Variants in CLMN observed in about 807,000 individuals in gnomAD.
CLMN encodes calmin, also known as calmin (calponin-like, transmembrane).
A neutral mutation model predicts 92.7 loss-of-function variants in CLMN; 57 were observed. The observed-to-expected ratio is 0.61, with a 90% CI of 0.50 to 0.77. The LOEUF is 0.77. Ranked by LOEUF, CLMN falls within the 30% of genes least tolerant of loss-of-function variation. The pLI is 0.00. For synonymous variants in CLMN, 466 were observed against 470.6 expected, an observed-to-expected ratio of 0.99 and a Z score of 0.13; for missense variants, 1,158 against 1,237.5, an observed-to-expected ratio of 0.94 and a Z score of 0.96.
chr14:95,279,150 T>G (rs1177150790), intron 1 of CLMN, among the ~76,000 whole-genome samples: 1 of 152,204 alleles, frequency 6.6e-6, no homozygotes, highest in Non-Finnish European at 1.5e-5. Flanking sequence ...AAATATTTTG[T>G]CAGAAAAATA....
chr14:95,231,147 T>G (rs1300205559), intron 1 of CLMN, among the ~76,000 whole-genome samples: 1 of 151,518 alleles, frequency 6.6e-6, no homozygotes, highest in Non-Finnish European at 1.5e-5. Context: ...CATCACGGCC[T>G]GAGCTCCGCC....
intron 5 of CLMN, among the ~76,000 whole-genome samples, chr14:95,213,840 G>T (rs1469159000): frequency 6.6e-6 from 1 of 152,064 alleles, no homozygotes; most frequent in Non-Finnish European, 1.5e-5. Context: ...CTCTCATGAG[G>T]ACTTCTGTAA....
At chr14:95,242,713 G>T (rs1254615211) in intron 1 of CLMN, among the ~76,000 whole-genome samples, 1 of 152,076 alleles carries the variant, frequency 6.6e-6, no homozygotes, top group Admixed American at 6.5e-5. Flanking sequence ...GACTACAGGC[G>T]CATGCCACCA....
At chr14:95,201,296 C>A (rs1896873145) in intron 9 of CLMN, among the ~76,000 whole-genome samples, 1 of 151,806 alleles carries the variant, frequency 6.6e-6, no homozygotes. Flanking sequence ...TCCAACCCCC[C>A]AAGCAGCCGT....
chr14:95,309,590 A>C (rs1354588101), intron 1 of CLMN, among the ~76,000 whole-genome samples: 3 of 151,512 alleles, frequency 2.0e-5, no homozygotes, highest in Admixed American at 2.0e-4. Flanking sequence ...CTCAAGCCGG[A>C]CTCTCCCTTC....
intron 1 of CLMN, among the ~76,000 whole-genome samples, chr14:95,297,822 C>T (rs1900873399): frequency 1.4e-5 from 1 of 72,008 alleles, no homozygotes; most frequent in South Asian, 4.5e-4. Flanking sequence ...CACACACACA[C>T]ACACACACAC....
intron 1 of CLMN, among the ~76,000 whole-genome samples, chr14:95,317,010 T>C (rs545625233): frequency 6.6e-6 from 1 of 152,328 alleles, no homozygotes; most frequent in South Asian, 2.1e-4. Flanking sequence ...ACAGCTTCAA[T>C]GGCAGCCCCT....
intron 1 of CLMN, among the ~76,000 whole-genome samples, chr14:95,241,176 A>T (rs1898230367): frequency 2.6e-5 from 4 of 152,108 alleles, no homozygotes; most frequent in Admixed American, 2.0e-4. Flanking sequence ...CTCACCCTGT[A>T]AACATCCGTG....
intron 2 of CLMN, among the ~76,000 whole-genome samples, chr14:95,224,115 C>T (rs545175561): frequency 6.6e-6 from 1 of 152,296 alleles, no homozygotes; most frequent in African/African-American, 2.4e-5. Flanking sequence ...CCCTTGGGGG[C>T]CCTTCAAACC....
rs144596309 is a variant in CLMN, at chr14:95,203,253, G to A, written c.2096C>T (p.Thr699Ile). Residue 699 changes from threonine to isoleucine, a missense_variant, in exon 9 of 13, where the codon ACC becomes ATC. Transcript: ENST00000298912. ...SPPSSCVSLE[T>I]LGSHSEEGLD... Reference sequence around the variant, plus strand: ...GCCTTCTTCGCTGTGACTCCCAAGGGTCTCCAAGCTGACACAGCTGCTTGG... The same window carrying A: ...GCCTTCTTCGCTGTGACTCCCAAGGATCTCCAAGCTGACACAGCTGCTTGG... 34 of 1,613,966 alleles carry A rather than the reference G, an allele frequency of 2.1e-5. No homozygotes were observed. Among genetic ancestry groups the A allele is most frequent in the Non-Finnish European group, 2.8e-5 (33 of 1,180,014 alleles).
chr14:95,197,344 A>G (rs552483513), intron 9 of CLMN, among the ~76,000 whole-genome samples: 1 of 151,822 alleles, frequency 6.6e-6, no homozygotes, highest in South Asian at 2.1e-4. Context: ...GAAGAAAAGT[A>G]AAGAAGAAAA....
At chr14:95,219,553 A>C (rs2140612249) in intron 4 of CLMN, among the ~76,000 whole-genome samples, 1 of 152,284 alleles carries the variant, frequency 6.6e-6, no homozygotes, top group Middle Eastern at 3.4e-3. Context: ...ATTTAGCCCC[A>C]AAAACTCTCC....
chr14:95,215,790 T>A, intron 4 of CLMN, 57 bp from the exon 5 acceptor site: 2 of 1,299,422 alleles, frequency 1.5e-6, no homozygotes, highest in East Asian at 4.6e-5. Context: ...ATAACATATG[T>A]TATTTTCTGG....
chr14:95,288,705 CCT>C (rs1456954651), intron 1 of CLMN, among the ~76,000 whole-genome samples: 1 of 152,198 alleles, frequency 6.6e-6, no homozygotes, highest in African/African-American at 2.4e-5. Flanking sequence ...CAATTCCACC[CCT>C]GTGTATAAGC....
chr14:95,316,298 C>T (rs1901767008), intron 1 of CLMN, among the ~76,000 whole-genome samples: 1 of 152,258 alleles, frequency 6.6e-6, no homozygotes, highest in African/African-American at 2.4e-5. Flanking sequence ...CAGCTTGGAC[C>T]ACCCCTGTTT....
intron 9 of CLMN, among the ~76,000 whole-genome samples, chr14:95,201,879 T>C (rs965890674): frequency 6.6e-6 from 1 of 152,208 alleles, no homozygotes; most frequent in Admixed American, 6.5e-5. Context: ...GGCTTCCAGC[T>C]TCATCCATGT....
intron 1 of CLMN, among the ~76,000 whole-genome samples, chr14:95,260,767 G>C (rs1411656006): frequency 6.6e-6 from 1 of 152,186 alleles, no homozygotes; most frequent in Non-Finnish European, 1.5e-5. Context: ...CTCAGGTATT[G>C]AGTGACTACA....
Position 95,185,923 on chromosome 14 carries a change from G to A in CLMN, c.*5641C>T, listed in dbSNP as rs1208189748. ...AGGAGAACAGCTCCTCACCAAAGCA[G>A]CCATGATGGATTCTGACATTTTCGT... On this transcript the variant is annotated 3_prime_UTR_variant, in exon 13 of 13. Coordinates refer to ENST00000298912, the MANE Select transcript of CLMN (RefSeq NM_024734.4). The A allele has an allele frequency of 6.6e-6, 1 of 152,218 alleles. No homozygotes were observed. The highest frequency in any genetic ancestry group is 1.5e-5 in the Non-Finnish European group (1 of 68,046). 9.4% of individuals were successfully genotyped at this position (152,218 alleles called of 1,614,324 possible). A position where few individuals can be genotyped will look rare whatever the true frequency, so the allele number is the denominator to read the frequency against.
At chr14:95,237,478 G>A (rs1898095553) in intron 1 of CLMN, among the ~76,000 whole-genome samples, 2 of 152,246 alleles carry the variant, frequency 1.3e-5, no homozygotes, top group African/African-American at 4.8e-5. Context: ...GGCTACCCTG[G>A]GTTCTCTCTG....
Sources: gnomAD v4.1 joint callset for allele counts (sites outside exome capture counted in the v4.1 genomes callset) on GRCh38, gnomAD v4.1.1 for gene constraint, MANE v1.5 for transcripts, NCBI Gene and HGNC (gene_info 2026-07-23, HGNC 2026-07-21) for gene names.